The following HMCN1 variants were observed in gnomAD, a reference collection of about 807,000 sequenced individuals.
The protein encoded by HMCN1 is hemicentin-1.
HMCN1 carries 321 observed loss-of-function variants against 625.9 expected under a neutral mutation model. The observed-to-expected ratio is 0.51, with a 90% confidence interval of 0.47 to 0.56. The LOEUF (loss-of-function observed/expected upper bound fraction) is 0.56, where lower values mean the gene tolerates loss of function less well. Ranked by LOEUF, HMCN1 falls within the 20% of genes least tolerant of loss-of-function variation. The pLI is 0.00. For synonymous variants in HMCN1, 2,425 were observed against 2,417.6 expected (o/e 1.00, Z -0.09); for missense variants, 6,588 against 6,887.3 (o/e 0.96, Z 1.54).
At chr1:185,995,163 C>G in intron 24 of HMCN1, 76 bp downstream of exon 24, 1 of 1,306,952 alleles carries the variant, frequency 7.7e-7, no homozygotes, top group East Asian at 2.3e-5. Flanking sequence ...AATAGATTAT[C>G]TTCGATAATC....
intron 1 of HMCN1, among the ~76,000 whole-genome samples, chr1:185,792,019 A>G (rs16824488): frequency 0.091 from 13,859 of 152,244 alleles, 2,037 homozygotes; most frequent in African/African-American, 0.31. Context: ...AAGCAATGAA[A>G]TTATAGAGAT....
rs142924248 is a variant in HMCN1 at position 186,015,103 on chromosome 1, T to G, written c.4631-56T>G. The G allele has an allele frequency of 2.9e-5, 43 of 1,477,030 alleles. No individual in the cohort carries two copies. The East Asian group carries it at 8.9e-4, about 30-fold the overall frequency. The allele number at this position is 1,477,030 out of a possible 1,614,324, so 91.5% of individuals were successfully genotyped here. A position where few individuals can be genotyped will look rare whatever the true frequency, so the allele number is the denominator to read the frequency against. On this transcript the variant is annotated intron_variant, in intron 30 of 106. Coordinates refer to ENST00000271588, the MANE Select transcript of HMCN1 (RefSeq NM_031935.3). ...TTTAAACATCTATAGCATTTAAGAT[T>G]TTGATGAAGATGCTGAAACTTAGAT...
chr1:186,143,538 T>C (rs1650102683), intron 89 of HMCN1, among the ~76,000 whole-genome samples: 1 of 152,246 alleles, frequency 6.6e-6, no homozygotes, highest in Non-Finnish European at 1.5e-5. Flanking sequence ...AAACTACTAG[T>C]CAGCTTTTTA....
At chr1:186,050,691 A>C (rs565177477) in intron 42 of HMCN1, among the ~76,000 whole-genome samples, 102 of 152,196 alleles carry the variant, frequency 6.7e-4, no homozygotes, top group African/African-American at 2.3e-3. Flanking sequence ...GCAGTGTAAT[A>C]GTGGAAAGCA....
intron 1 of HMCN1, among the ~76,000 whole-genome samples, chr1:185,765,053 A>T (rs1655782422): frequency 6.6e-6 from 1 of 152,188 alleles, no homozygotes; most frequent in Non-Finnish European, 1.5e-5. Context: ...AAGGACAGTG[A>T]ATTAATGGAC....
intron 4 of HMCN1, among the ~76,000 whole-genome samples, chr1:185,892,397 G>A (rs1003846275): frequency 1.3e-5 from 2 of 151,714 alleles, no homozygotes; most frequent in African/African-American, 2.4e-5. Context: ...CTGATTTTTA[G>A]AGTTTCCAGT....
rs146177894 is a variant in HMCN1, at chr1:186,123,076, A to G, written c.12355A>G (p.Ile4119Val). 2.9e-5 allele frequency: 47 copies of G among 1,613,980 alleles called. No homozygotes were observed. The highest frequency in any genetic ancestry group is 3.7e-5 in the Non-Finnish European group (44 of 1,180,004). ...DITWHKDGRAIVESIRQRVLS... is the reference protein window; with the variant it reads ...DITWHKDGRAVVESIRQRVLS... ...TACATGGCATAAAGATGGGCGTGCA[A>G]TTGTGGAATCTATCCGCCAGCGCGT... is the stretch of plus-strand genomic sequence containing the variant. Residue 4119 changes from isoleucine to valine, a missense_variant, in exon 81 of 107, where the codon ATT (isoleucine) becomes GTT (valine). This residue lies in a region of HMCN1 where 1,954 missense variants were observed against 2,013.1 expected (regional missense o/e 0.97). Coordinates refer to ENST00000271588, the MANE Select transcript of HMCN1 (RefSeq NM_031935.3).
At chr1:186,161,478 T>G (rs1446084056) in intron 97 of HMCN1, among the ~76,000 whole-genome samples, 3 of 151,916 alleles carry the variant, frequency 2.0e-5, no homozygotes, top group South Asian at 2.1e-4. Flanking sequence ...GTTAGCTGGT[T>G]ATTTTGCTCG....
In HMCN1 at chr1:185,931,891, A is replaced by G. The variant is rs112653164; in HGVS notation, c.1553-1658A>G. On this transcript the variant is annotated intron_variant, in intron 10 of 106. Transcript: ENST00000271588. ...ATAGAAAAACTGAACTATTAATTTC[A>G]CTAAATTGGCTTATCTAAAGTCACA... Among the ~76,000 whole-genome samples, 1,125 of 152,350 alleles carry G rather than the reference A, an allele frequency of 7.4e-3. 7 individuals carry two copies. Among genetic ancestry groups the G allele is most frequent in the African/African-American group, 0.026 (1,064 of 41,584 alleles).
chr1:185,757,225 G>A (rs1655190085), intron 1 of HMCN1, among the ~76,000 whole-genome samples: 1 of 151,890 alleles, frequency 6.6e-6, no homozygotes, highest in South Asian at 2.1e-4. Context: ...CACCCACCTC[G>A]GCCTCCCAAA....
chr1:185,982,786 C>A (rs1651739877), intron 18 of HMCN1, among the ~76,000 whole-genome samples: 1 of 151,926 alleles, frequency 6.6e-6, no homozygotes, highest in African/African-American at 2.4e-5. Flanking sequence ...TTCCAATCAC[C>A]AAAAGTATCG....
rs768785585 is a variant in HMCN1, at chr1:186,087,203, C to G, written c.9047-14C>G. 4.5e-6 allele frequency: 7 copies of G among 1,545,264 alleles called. No homozygotes were observed. In the Admixed American group the frequency reaches 1.2e-4, roughly 26 times the overall value. ...TGTATACCACTCTACAATTTGCATT[C>G]TATTTACCTACAGGTGGTCGAACTC... On this transcript the variant is annotated splice_polypyrimidine_tract_variant and intron_variant, in intron 58 of 106. Transcript: ENST00000271588.
chr1:186,181,257 CTA>C (rs1246303026), intron 104 of HMCN1, among the ~76,000 whole-genome samples: 6 of 152,146 alleles, frequency 3.9e-5, no homozygotes, highest in African/African-American at 1.4e-4. Context: ...TGCTCAGAGA[CTA>C]TGAGCAAATT....
chr1:186,073,345 A>G (rs1658588826), intron 52 of HMCN1, among the ~76,000 whole-genome samples: 1 of 152,208 alleles, frequency 6.6e-6, no homozygotes, highest in Non-Finnish European at 1.5e-5. Flanking sequence ...TGATTGGAAC[A>G]TATCAAGAAA....
intron 81 of HMCN1, among the ~76,000 whole-genome samples, chr1:186,123,541 A>G (rs979480033): frequency 1.3e-5 from 2 of 152,166 alleles, no homozygotes; most frequent in Non-Finnish European, 2.9e-5. Flanking sequence ...TTTCTGCTTT[A>G]CTTCTCAAGC....
intron 2 of HMCN1, among the ~76,000 whole-genome samples, chr1:185,846,492 C>T (rs955979993): frequency 2.0e-5 from 3 of 152,112 alleles, no homozygotes; most frequent in East Asian, 1.9e-4. Flanking sequence ...TTTTGATATT[C>T]TATGCTGCTA....
intron 23 of HMCN1, among the ~76,000 whole-genome samples, chr1:185,993,902 C>G (rs1219804857): frequency 6.6e-6 from 1 of 152,064 alleles, no homozygotes; most frequent in Non-Finnish European, 1.5e-5. Flanking sequence ...GATCTGATTT[C>G]ACTCTCAGAT....
At chr1:186,141,122 C>T (rs184223528) in intron 89 of HMCN1, among the ~76,000 whole-genome samples, 1 of 152,086 alleles carries the variant, frequency 6.6e-6, no homozygotes, top group African/African-American at 2.4e-5. Flanking sequence ...ATAGATCCCT[C>T]GCATGCACAG....
At chr1:185,790,336 A>AT (rs1166849147) in intron 1 of HMCN1, among the ~76,000 whole-genome samples, 1 of 152,212 alleles carries the variant, frequency 6.6e-6, no homozygotes, top group Non-Finnish European at 1.5e-5. Flanking sequence ...GCAAACAGTG[A>AT]TTTTGTCAGT....
Sources: allele counts gnomAD v4.1 joint callset (sites outside exome capture counted in the v4.1 genomes callset), GRCh38; gene constraint gnomAD v4.1.1; regional missense constraint gnomAD v4.1.1; transcripts MANE v1.5; gene names NCBI Gene and HGNC (gene_info 2026-07-23, HGNC 2026-07-21).